The following XRN1 variants were observed in gnomAD, a reference collection of about 807,000 sequenced individuals.
The protein encoded by XRN1 is 5'-3' exoribonuclease 1.
Under a neutral mutation model 222.3 loss-of-function variants are expected in XRN1, and 67 were observed. The observed-to-expected ratio is 0.30, with a 90% confidence interval of 0.25 to 0.37. The LOEUF (loss-of-function observed/expected upper bound fraction) is 0.37, where lower values mean the gene tolerates loss of function less well. XRN1 is among the 10% of genes least tolerant of loss of function. The pLI is 1.00. For missense variants in XRN1, 1,707 were observed against 2,000.2 expected (o/e 0.85, Z 2.80); for synonymous variants, 643 against 652.4 (o/e 0.99, Z 0.22).
Position 142,426,794 on chromosome 3 carries a change from C to A in XRN1, c.356G>T (p.Gly119Val). The change falls in exon 3 of 41, where the codon GGA becomes GTA. Residue 119 changes from glycine to valine, a missense_variant. Gly to Val is a moderately radical substitution (Grantham distance 109). Transcript: ENST00000392981. The stretch of plus-strand genomic sequence containing the variant: ...TCTGGCCTCTGTAGGAAGAGTTTCT[C>A]CCTTCTCTATTGCCTTTTTAATTTT... ...EDKIKKAIEK[G>V]ETLPTEARFD... is the part of the protein sequence containing the mutation. 4.3e-6 allele frequency: 7 copies of A among 1,613,784 alleles called. No individual in the cohort carries two copies. Among genetic ancestry groups the A allele is most frequent in the Non-Finnish European group, 5.9e-6 (7 of 1,179,938 alleles).
chr3:142,325,753 T>C (rs2065497736), intron 37 of XRN1, among the ~76,000 whole-genome samples: 1 of 152,194 alleles, frequency 6.6e-6, no homozygotes, highest in African/African-American at 2.4e-5. Flanking sequence ...ATCAATGTAC[T>C]GGAGTGTTTC....
intron 20 of XRN1, among the ~76,000 whole-genome samples, chr3:142,396,614 T>C (rs1449331749): frequency 6.6e-6 from 1 of 152,216 alleles, no homozygotes; most frequent in East Asian, 1.9e-4. Context: ...GGTTTATTCA[T>C]CTTTGAATAA....
At chr3:142,382,618 T>G (rs575590449) in intron 22 of XRN1, among the ~76,000 whole-genome samples, 11 of 152,268 alleles carry the variant, frequency 7.2e-5, no homozygotes, top group African/African-American at 2.6e-4. Flanking sequence ...CTGCCCCAGA[T>G]CCAGAATCAG....
At chr3:142,420,893 T>C in intron 10 of XRN1, 123 bp downstream of exon 10, 1 of 1,242,022 alleles carries the variant, frequency 8.1e-7, no homozygotes, top group Non-Finnish European at 1.1e-6. Context: ...CTGAAATGCC[T>C]ATAGAGAGGA....
chr3:142,371,825 T>C (rs918879278), intron 25 of XRN1, among the ~76,000 whole-genome samples: 34 of 152,174 alleles, frequency 2.2e-4, no homozygotes, highest in African/African-American at 7.9e-4. Flanking sequence ...GACAATATAG[T>C]ATAAAAAAGA....
intron 27 of XRN1, among the ~76,000 whole-genome samples, chr3:142,368,773 A>T (rs2066895700): frequency 6.6e-6 from 1 of 152,216 alleles, no homozygotes; most frequent in African/African-American, 2.4e-5. Flanking sequence ...CCTAAAGAGA[A>T]AAAGAGTCAT....
rs1484575063 is a variant in XRN1, at chr3:142,328,758, T to C, written c.4404+676A>G. 4.1e-3 allele frequency among the ~76,000 whole-genome samples: 240 copies of C among 59,136 alleles called. 16 individuals carry two copies. Among genetic ancestry groups the C allele is most frequent in the Middle Eastern group, 0.033 (3 of 92 alleles). 38.8% of individuals were successfully genotyped at this position (59,136 alleles called of 152,430 possible). ...ATATATATATATATATATATATATA[T>C]ATATATATATATGTTTCAGAGACAA... is the stretch of plus-strand genomic sequence containing the variant. On this transcript the variant is annotated intron_variant, in intron 37 of 40. Coordinates refer to ENST00000392981, the MANE Select transcript of XRN1 (RefSeq NM_001282857.2).
chr3:142,415,575 T>C (rs1406902669), intron 13 of XRN1, among the ~76,000 whole-genome samples: 1 of 152,204 alleles, frequency 6.6e-6, no homozygotes, highest in East Asian at 1.9e-4. Flanking sequence ...TTAATGTAAG[T>C]TACAACAGGA....
intron 13 of XRN1, 48 bp downstream of exon 13, chr3:142,417,092 G>T: frequency 1.5e-6 from 2 of 1,364,164 alleles, no homozygotes; most frequent in Non-Finnish European, 1.0e-6. Context: ...CTAGTAGAAT[G>T]AATCATTATA....
intron 10 of XRN1, 104 bp from the exon 11 acceptor site, chr3:142,418,985 T>C: frequency 9.6e-7 from 1 of 1,042,890 alleles, no homozygotes. Flanking sequence ...TTCTTCCATG[T>C]TATAACATCC....
intron 34 of XRN1, 89 bp from the exon 35 acceptor site, chr3:142,333,178 C>T (rs2065752388): frequency 7.3e-6 from 10 of 1,375,330 alleles, no homozygotes; most frequent in Admixed American, 4.9e-5. Flanking sequence ...AATGGTCATT[C>T]GATTTTCACT....
At position 142,312,688 on chromosome 3, in the gene XRN1, C is replaced by T; in HGVS notation, c.4692G>A (p.Gly1564=). 1 of 1,613,900 alleles carries T rather than the reference C, an allele frequency of 6.2e-7. No individual in the cohort carries two copies. The highest frequency in any genetic ancestry group is 2.2e-5 in the East Asian group (1 of 44,868). The change falls in exon 40 of 41, where the codon GGG becomes GGA. Residue 1564 remains glycine (G), a synonymous_variant. Transcript: ENST00000392981. ...AATATAAAGTATGATGGAAGGGCTT[C>T]CCAGGAACTGGCACCGATGGTCCCC... The part of the protein sequence containing the change: ...MPWGPSVPVP[G]KPFHHTLYSG...
At chr3:142,435,097 T>C (rs2069815984) in intron 1 of XRN1, 1 of 152,146 alleles carries the variant, frequency 6.6e-6, no homozygotes, top group African/African-American at 2.4e-5. Context: ...GTTTGCAAAT[T>C]AGAAGTCAAC....
At chr3:142,403,199 T>G (rs924042426) in intron 18 of XRN1, among the ~76,000 whole-genome samples, 8 of 152,222 alleles carry the variant, frequency 5.3e-5, no homozygotes, top group African/African-American at 1.9e-4. Flanking sequence ...TAAGGCTTAT[T>G]TATTCCTTCT....
Position 142,421,182 on chromosome 3 carries a change from AAAT to A in XRN1, c.1036-32_1036-30del. On this transcript the variant is annotated intron_variant, in intron 9 of 40. Coordinates refer to ENST00000392981, the MANE Select transcript of XRN1 (RefSeq NM_001282857.2). ...TACAGAAATATTTAAATTTATTTTT[AAAT>A]AATTTAAGTATATCTAGAAGAATAC... The A allele has an allele frequency of 2.0e-6, 3 of 1,506,520 alleles. No individual in the cohort carries two copies. The South Asian group carries it at 4.0e-5, about 20-fold the overall frequency. The allele number at this position is 1,506,520 out of a possible 1,614,324, so 93.3% of individuals were successfully genotyped here.
intron 39 of XRN1, among the ~76,000 whole-genome samples, chr3:142,315,650 A>T: frequency 6.6e-6 from 1 of 151,698 alleles, no homozygotes; most frequent in Non-Finnish European, 1.5e-5. Context: ...CTGGGACTAC[A>T]GGTGTGTGCC....
intron 1 of XRN1, among the ~76,000 whole-genome samples, chr3:142,438,055 C>A (rs1408461953): frequency 6.6e-6 from 1 of 152,096 alleles, no homozygotes; most frequent in Non-Finnish European, 1.5e-5. Flanking sequence ...CAAATGCTAG[C>A]AAGGATGTAG....
At chr3:142,372,715 C>T (rs150747229) in intron 25 of XRN1, among the ~76,000 whole-genome samples, 13 of 152,328 alleles carry the variant, frequency 8.5e-5, no homozygotes, top group Non-Finnish European at 1.5e-4. Flanking sequence ...GTCTTTCAGT[C>T]TTGAAAAGTG....
chr3:142,409,548 A>C (rs770679684), intron 15 of XRN1, among the ~76,000 whole-genome samples: 2 of 152,200 alleles, frequency 1.3e-5, no homozygotes, highest in Non-Finnish European at 2.9e-5. Flanking sequence ...TACCAATAAC[A>C]GACTGTCTTG....
Sources: gnomAD v4.1 joint callset for allele counts (sites outside exome capture counted in the v4.1 genomes callset) on GRCh38, gnomAD v4.1.1 for gene constraint, MANE v1.5 for transcripts, NCBI Gene and HGNC (gene_info 2026-07-23, HGNC 2026-07-21) for gene names.